PALM2AKAP2: variants seen among roughly 807,000 people sequenced by gnomAD.
PALM2AKAP2 encodes the protein PALM2 and AKAP2 fusion, also known as PALM2-AKAP2 fusion protein.
Under a neutral mutation model 71.5 loss-of-function variants are expected in PALM2AKAP2, and 37 were observed. The ratio of observed to expected loss-of-function variants is 0.52; its 90% CI spans 0.40 to 0.68. The LOEUF is 0.68. PALM2AKAP2 is among the 30% of genes least tolerant of loss of function. PALM2AKAP2 has a pLI of 0.00. For missense variants in PALM2AKAP2, 1,224 were observed against 1,191.8 expected, an observed-to-expected ratio of 1.03 and a Z score of -0.40; for synonymous variants, 468 against 478.8, an observed-to-expected ratio of 0.98 and a Z score of 0.29.
intron 2 of PALM2AKAP2, among the ~76,000 whole-genome samples, chr9:109,871,393 C>A (rs1175503285): frequency 6.6e-6 from 1 of 152,100 alleles, no homozygotes; most frequent in Non-Finnish European, 1.5e-5. Context: ...TTTAAAGCAT[C>A]CTTAGCTATA....
At position 109,751,085 on chromosome 9, in the gene PALM2AKAP2, C is replaced by G. The variant is rs565820651; in HGVS notation, c.6-29403C>G. 3.9e-5 allele frequency among the ~76,000 whole-genome samples: 6 copies of G among 152,228 alleles called. No individual in the cohort carries two copies. The East Asian group carries it at 1.2e-3, about 29-fold the overall frequency. ...TCTTTCAAAATATACCTGAATCCAG[C>G]CAGGCAACCCTAGATTTTCAGTTCT... On this transcript the variant is annotated intron_variant, in intron 1 of 6. Coordinates refer to the PALM2AKAP2 transcript ENST00000374531.
At chr9:110,125,619 T>C in intron 1 of PALM2AKAP2, 1 of 982,828 alleles carries the variant, frequency 1.0e-6, no homozygotes, top group Non-Finnish European at 1.2e-6. Context: ...TGCTGACTTA[T>C]CTTCGTGTCC....
intron 1 of PALM2AKAP2, among the ~76,000 whole-genome samples, chr9:109,762,501 G>A (rs927452504): frequency 6.6e-6 from 1 of 152,004 alleles, no homozygotes; most frequent in Non-Finnish European, 1.5e-5. Context: ...TTAATTGATC[G>A]ATTATCCTCA....
chr9:109,652,178 T>A (rs977338156), intron 1 of PALM2AKAP2, among the ~76,000 whole-genome samples: 2 of 152,214 alleles, frequency 1.3e-5, no homozygotes, highest in Non-Finnish European at 2.9e-5. Context: ...CACTGACTTT[T>A]ATATAGTATT....
chr9:110,060,548 G>T (rs560786046), intron 1 of PALM2AKAP2, among the ~76,000 whole-genome samples: 10 of 152,262 alleles, frequency 6.6e-5, no homozygotes, highest in Admixed American at 2.0e-4. Context: ...TGCTGAGACA[G>T]CTGCTGTCTC....
chr9:109,675,831 G>A (rs1458576817), intron 1 of PALM2AKAP2, among the ~76,000 whole-genome samples: 1 of 152,072 alleles, frequency 6.6e-6, no homozygotes, highest in African/African-American at 2.4e-5. Flanking sequence ...CTCCAGTTGT[G>A]CTAGTCAACA....
intron 4 of PALM2AKAP2, among the ~76,000 whole-genome samples, chr9:109,924,434 TA>T (rs976045236): frequency 8.6e-5 from 13 of 151,844 alleles, no homozygotes; most frequent in African/African-American, 3.1e-4. Context: ...CTGTCTGTAC[TA>T]AAAAATACAA....
At chr9:109,968,718 C>A (rs973571461) in intron 6 of PALM2AKAP2, among the ~76,000 whole-genome samples, 1 of 152,150 alleles carries the variant, frequency 6.6e-6, no homozygotes, top group Non-Finnish European at 1.5e-5. Flanking sequence ...TGGGGGGAAG[C>A]CCTAAGGAGT....
intron 1 of PALM2AKAP2, among the ~76,000 whole-genome samples, chr9:110,064,149 A>G (rs521883): frequency 0.74 from 112,202 of 152,114 alleles, 41,820 homozygotes; most frequent in African/African-American, 0.84. Context: ...AACTCTAGAA[A>G]AATCTTATCT....
chr9:110,016,267 GA>G (rs985100028), intron 7 of PALM2AKAP2, among the ~76,000 whole-genome samples: 9 of 152,140 alleles, frequency 5.9e-5, no homozygotes, highest in African/African-American at 2.2e-4. Flanking sequence ...TGAAACTTGG[GA>G]TCTGGATTAG....
At chr9:109,831,708 G>T (rs925540155) in intron 1 of PALM2AKAP2, among the ~76,000 whole-genome samples, 1 of 152,094 alleles carries the variant, frequency 6.6e-6, no homozygotes, top group Admixed American at 6.6e-5. Context: ...AGCATTTCTT[G>T]ACCATCAGTA....
chr9:109,681,792 A>G (rs1393910025), intron 1 of PALM2AKAP2, among the ~76,000 whole-genome samples: 2 of 152,188 alleles, frequency 1.3e-5, no homozygotes, highest in Non-Finnish European at 2.9e-5. Context: ...AAATCACTGT[A>G]CACTAGATGA....
At chr9:109,922,016 A>G (rs1461102490) in intron 3 of PALM2AKAP2, among the ~76,000 whole-genome samples, 1 of 152,164 alleles carries the variant, frequency 6.6e-6, no homozygotes, top group Non-Finnish European at 1.5e-5. Context: ...TATGTCGCTA[A>G]ATAAATTCAT....
chr9:110,106,824 T>C (rs1299467114), intron 1 of PALM2AKAP2, among the ~76,000 whole-genome samples: 1 of 152,222 alleles, frequency 6.6e-6, no homozygotes, highest in Non-Finnish European at 1.5e-5. Context: ...AAATGGCTTG[T>C]TTATTAAACT....
chr9:109,865,143 G>A (rs1448027218), intron 1 of PALM2AKAP2, among the ~76,000 whole-genome samples: 1 of 120,824 alleles, frequency 8.3e-6, no homozygotes, highest in Admixed American at 1.1e-4. Flanking sequence ...CTGTCGCCCA[G>A]GCTGGAGTGC....
At chr9:109,892,417 C>T (rs1048307088) in intron 3 of PALM2AKAP2, among the ~76,000 whole-genome samples, 6 of 152,194 alleles carry the variant, frequency 3.9e-5, no homozygotes, top group African/African-American at 7.2e-5. Context: ...TACATCTACA[C>T]AGACCCTTTT....
chr9:109,664,373 A>G (rs1057370578), intron 1 of PALM2AKAP2, among the ~76,000 whole-genome samples: 9 of 152,228 alleles, frequency 5.9e-5, no homozygotes, highest in African/African-American at 1.9e-4. Context: ...AGCTCTTGTA[A>G]GGCAGGCCTG....
chr9:109,961,430 G>A (rs1305690448), intron 6 of PALM2AKAP2, among the ~76,000 whole-genome samples: 1 of 152,230 alleles, frequency 6.6e-6, no homozygotes, highest in Non-Finnish European at 1.5e-5. Flanking sequence ...GGATCATGGA[G>A]CAGAATGAAA....
intron 6 of PALM2AKAP2, among the ~76,000 whole-genome samples, chr9:109,962,445 T>C (rs981191450): frequency 3.3e-5 from 5 of 152,226 alleles, no homozygotes; most frequent in Non-Finnish European, 5.9e-5. Context: ...TATTTAAGTA[T>C]TGTTTATGGA....
Sources: allele counts gnomAD v4.1 joint callset (sites outside exome capture counted in the v4.1 genomes callset), GRCh38; gene constraint gnomAD v4.1.1; transcripts MANE v1.5; gene names NCBI Gene and HGNC (gene_info 2026-07-23, HGNC 2026-07-21).